SMAD1: variants seen among roughly 807,000 people sequenced by gnomAD.
SMAD1 encodes the protein MAD, mothers against decapentaplegic homolog 1.
Under a neutral mutation model 41.6 loss-of-function variants are expected in SMAD1, and 6 were observed. The ratio of observed to expected loss-of-function variants is 0.14; its 90% CI spans 0.08 to 0.28. SMAD1 has a LOEUF of 0.28. SMAD1 is among the 10% of genes least tolerant of loss of function. SMAD1 has a pLI of 1.00. For synonymous variants in SMAD1, 206 were observed against 203.2 expected, an observed-to-expected ratio of 1.01 and a Z score of -0.12; for missense variants, 379 against 582.6, an observed-to-expected ratio of 0.65 and a Z score of 3.60.
chr4:145,493,712 T>C (rs187962702), intron 1 of SMAD1, among the ~76,000 whole-genome samples: 33 of 152,328 alleles, frequency 2.2e-4, no homozygotes, highest in African/African-American at 6.5e-4. Flanking sequence ...TTCTCCTTTT[T>C]TGTTAAGCTG....
At chr4:145,511,000 T>TTA (rs1730045372) in intron 1 of SMAD1, among the ~76,000 whole-genome samples, 1 of 152,178 alleles carries the variant, frequency 6.6e-6, no homozygotes, top group South Asian at 2.1e-4. Context: ...AAGTCTGTTT[T>TTA]ATCTGAATGG....
At chr4:145,505,158 G>A (rs1162103776) in intron 1 of SMAD1, among the ~76,000 whole-genome samples, 1 of 152,144 alleles carries the variant, frequency 6.6e-6, no homozygotes, top group Non-Finnish European at 1.5e-5. Flanking sequence ...TTAGAAAAAA[G>A]TAGTTTGTTT....
At chr4:145,501,790 T>C (rs1452350582) in intron 1 of SMAD1, among the ~76,000 whole-genome samples, 1 of 152,030 alleles carries the variant, frequency 6.6e-6, no homozygotes, top group African/African-American at 2.4e-5. Context: ...ATAGATATAC[T>C]ACTTACCAGA....
chr4:145,529,302 A>G (rs1439791439), intron 2 of SMAD1, among the ~76,000 whole-genome samples: 2 of 152,188 alleles, frequency 1.3e-5, no homozygotes, highest in African/African-American at 4.8e-5. Flanking sequence ...CTCTAATAAC[A>G]GAGCACCTTC....
intron 2 of SMAD1, among the ~76,000 whole-genome samples, chr4:145,534,640 G>A (rs1259515050): frequency 6.6e-6 from 1 of 152,096 alleles, no homozygotes; most frequent in Non-Finnish European, 1.5e-5. Context: ...TTTTTAAAGC[G>A]GCAACTCCAA....
At chr4:145,557,016 G>GA (rs1732877361) in intron 6 of SMAD1, among the ~76,000 whole-genome samples, 1 of 149,394 alleles carries the variant, frequency 6.7e-6, no homozygotes, top group Non-Finnish European at 1.5e-5. Flanking sequence ...TAGATAGATA[G>GA]CAGAAATAAA....
chr4:145,500,927 T>C (rs971651350), intron 1 of SMAD1, among the ~76,000 whole-genome samples: 1 of 152,236 alleles, frequency 6.6e-6, no homozygotes, highest in Non-Finnish European at 1.5e-5. Context: ...TGGGTGATGG[T>C]ATCACAATTT....
chr4:145,547,627 A>G (rs973366907), intron 5 of SMAD1, among the ~76,000 whole-genome samples: 1 of 152,218 alleles, frequency 6.6e-6, no homozygotes, highest in African/African-American at 2.4e-5. Context: ...GAGTGAAACC[A>G]TTCTGAAACT....
intron 1 of SMAD1, among the ~76,000 whole-genome samples, chr4:145,498,354 A>G (rs887481833): frequency 6.6e-6 from 1 of 152,228 alleles, no homozygotes; most frequent in Non-Finnish European, 1.5e-5. Flanking sequence ...GTATTTTACC[A>G]GAATACATTT....
intron 5 of SMAD1, among the ~76,000 whole-genome samples, chr4:145,547,967 T>A (rs1330979220): frequency 6.6e-6 from 1 of 152,158 alleles, no homozygotes; most frequent in Non-Finnish European, 1.5e-5. Context: ...CAGATCATCA[T>A]CGCTAATACC....
At chr4:145,540,824 G>T (rs1731887044) in intron 3 of SMAD1, among the ~76,000 whole-genome samples, 1 of 151,288 alleles carries the variant, frequency 6.6e-6, no homozygotes, top group African/African-American at 2.4e-5. Flanking sequence ...ATCTATTAAT[G>T]TTTTCGGAAG....
chr4:145,527,490 TGGGATTACA>T (rs959591904), intron 2 of SMAD1, among the ~76,000 whole-genome samples: 11 of 152,178 alleles, frequency 7.2e-5, no homozygotes, highest in African/African-American at 2.7e-4. Context: ...CCCAAAGTGC[TGGGATTACA>T]GGCGTGAGCC....
chr4:145,520,156 A>C lies in SMAD1; in HGVS notation c.400+5143A>C, dbSNP rs374326383. Among the ~76,000 whole-genome samples the C allele has an allele frequency of 2.0e-4, 30 of 152,300 alleles. No individual in the cohort carries two copies. In the East Asian group the frequency reaches 3.3e-3, roughly 17 times the overall value. The stretch of plus-strand genomic sequence containing the variant: ...ACAGCCATTTTGGAAGACAGTATGG[A>C]GGTTCCTCAAAAAATTAAAAATAGA... On this transcript the variant is annotated intron_variant, in intron 2 of 6. Coordinates refer to ENST00000302085, the MANE Select transcript of SMAD1 (RefSeq NM_005900.3).
At chr4:145,554,091 C>CTTTT in intron 6 of SMAD1, 51 bp downstream of exon 6, 13 of 1,138,588 alleles carry the variant, frequency 1.1e-5, no homozygotes, top group South Asian at 3.5e-5. Context: ...TTTTGCTGTG[C>CTTTT]TTTTTTTTTT....
At chr4:145,527,626 G>A (rs1246831136) in intron 2 of SMAD1, among the ~76,000 whole-genome samples, 2 of 152,030 alleles carry the variant, frequency 1.3e-5, no homozygotes, top group African/African-American at 4.8e-5. Context: ...TATCTGGAAA[G>A]CCAGGATTCA....
intron 5 of SMAD1, among the ~76,000 whole-genome samples, chr4:145,549,761 C>G (rs1732457957): frequency 6.6e-6 from 1 of 152,146 alleles, no homozygotes; most frequent in Non-Finnish European, 1.5e-5. Flanking sequence ...GGGAAGAAAA[C>G]TCCAACTCTT....
intron 1 of SMAD1, among the ~76,000 whole-genome samples, chr4:145,502,698 C>G (rs745649253): frequency 2.6e-5 from 4 of 152,236 alleles, no homozygotes; most frequent in African/African-American, 4.8e-5. Context: ...TCCTTAGAGA[C>G]TCTTGTCATT....
chr4:145,528,596 G>A lies in SMAD1; in HGVS notation c.401-11208G>A, dbSNP rs143452408. ...TCATTTTCGTGGAATATATTTAATT[G>A]CATCAAATATAAACTCAGAATGAGC... On this transcript the variant is annotated intron_variant, in intron 2 of 6. Coordinates refer to ENST00000302085, the MANE Select transcript of SMAD1 (RefSeq NM_005900.3). Among the ~76,000 whole-genome samples the A allele has an allele frequency of 2.0e-5, 3 of 152,254 alleles. No homozygotes were observed. The East Asian group carries it at 5.8e-4, about 29-fold the overall frequency.
intron 1 of SMAD1, among the ~76,000 whole-genome samples, chr4:145,496,024 T>G (rs1193494320): frequency 6.6e-6 from 1 of 152,160 alleles, no homozygotes; most frequent in East Asian, 1.9e-4. Flanking sequence ...AATTTTCTGA[T>G]GTCTTGTTGA....
Sources: gnomAD v4.1 joint callset for allele counts (sites outside exome capture counted in the v4.1 genomes callset) on GRCh38, gnomAD v4.1.1 for gene constraint, MANE v1.5 for transcripts, NCBI Gene and HGNC (gene_info 2026-07-23, HGNC 2026-07-21) for gene names.